DSCC1: variants seen among roughly 807,000 people sequenced by gnomAD.
DSCC1 encodes DNA replication and sister chromatid cohesion 1.
A neutral mutation model predicts 48.2 loss-of-function variants in DSCC1; 32 were observed. The observed-to-expected ratio is 0.66, with a 90% CI of 0.50 to 0.89. The LOEUF is 0.89. Among genes scored for constraint, DSCC1 ranks in the 40% least tolerant of loss-of-function variants. The pLI is 0.00. For synonymous variants in DSCC1, 150 were observed against 171.5 expected (o/e 0.87, Z 0.98); for missense variants, 421 against 471.7 (o/e 0.89, Z 1.00).
At chr8:119,836,907 A>G (rs1225582201) in intron 8 of DSCC1, among the ~76,000 whole-genome samples, 3 of 152,132 alleles carry the variant, frequency 2.0e-5, no homozygotes, top group Non-Finnish European at 4.4e-5. Context: ...TCATCCAAGG[A>G]AGAGGGGAGA....
At chr8:119,855,581 A>C (rs1276380056) in intron 1 of DSCC1, 33 bp downstream of exon 1, 2 of 1,523,880 alleles carry the variant, frequency 1.3e-6, no homozygotes, top group South Asian at 2.4e-5. Flanking sequence ...GTGGCCGGCC[A>C]GAGGCTGGGG....
Position 119,850,500 on chromosome 8 carries a change from T to C in DSCC1, c.368A>G (p.Asn123Ser). Residue 123 changes from asparagine to serine, a missense_variant, in exon 3 of 9, where the codon AAT becomes AGT. Physicochemically the swap from Asn to Ser is conservative, Grantham distance 46. Coordinates refer to ENST00000313655, the MANE Select transcript of DSCC1 (RefSeq NM_024094.3). ...ACGTCTTCTTAATTCCCAATAATTA[T>C]TAGAAAAACCAAAGATCTAGAAATT... ...IIHTEIFGFS[N>S]NYWELRRRRP... 8 of 1,571,382 alleles carry C rather than the reference T, an allele frequency of 5.1e-6. No homozygotes were observed. Among genetic ancestry groups the C allele is most frequent in the Non-Finnish European group, 6.9e-6 (8 of 1,166,468 alleles).
At chr8:119,845,284 C>T (rs1049304855) in intron 4 of DSCC1, among the ~76,000 whole-genome samples, 8 of 151,908 alleles carry the variant, frequency 5.3e-5, no homozygotes, top group Admixed American at 2.0e-4. Context: ...CAGGGTTTCA[C>T]CATGTTGGCC....
At chr8:119,842,890 C>T in intron 5 of DSCC1, 62 bp from the exon 6 acceptor site, 1 of 1,349,674 alleles carries the variant, frequency 7.4e-7, no homozygotes, top group East Asian at 2.5e-5. Context: ...ATATTTTAAC[C>T]CCATTGCCAA....
rs201899677 is a variant in DSCC1, at chr8:119,841,879, G to C, written c.839C>G (p.Ala280Gly). The part of the protein sequence containing the change: ...RAAARMLLQN[A>G]VKFNLAEFQE... The stretch of plus-strand genomic sequence containing the variant: ...AAACTCAGCGAGATTGAATTTCACC[G>C]CATTCTGAAGTAGCATTCGTGCTGC... Residue 280 changes from alanine to glycine, a missense_variant, in exon 7 of 9, where the codon GCG becomes GGG. Physicochemically the swap from Ala to Gly is moderately conservative, Grantham distance 60 (BLOSUM62 0). Coordinates refer to ENST00000313655, the MANE Select transcript of DSCC1 (RefSeq NM_024094.3). 1.2e-6 allele frequency: 2 copies of C among 1,613,998 alleles called. No homozygotes were observed. Among genetic ancestry groups the C allele is most frequent in the Middle Eastern group, 1.6e-4 (1 of 6,062 alleles).
chr8:119,836,468 G>T (rs1030204348), intron 8 of DSCC1, among the ~76,000 whole-genome samples: 1 of 152,018 alleles, frequency 6.6e-6, no homozygotes, highest in Non-Finnish European at 1.5e-5. Context: ...TTCAGAGGCA[G>T]GTACAAGATG....
intron 1 of DSCC1, among the ~76,000 whole-genome samples, chr8:119,854,105 T>C (rs1488192534): frequency 6.6e-6 from 1 of 152,064 alleles, no homozygotes; most frequent in Admixed American, 6.6e-5. Flanking sequence ...TCTCAGCTAC[T>C]CAGGAGGCTG....
intron 7 of DSCC1, 145 bp downstream of exon 7, chr8:119,841,649 G>A (rs1343657766): frequency 3.0e-6 from 2 of 665,520 alleles, no homozygotes; most frequent in Admixed American, 3.1e-5. Flanking sequence ...GGGTTTTAAG[G>A]ACTATGTGAT....
intron 7 of DSCC1, among the ~76,000 whole-genome samples, chr8:119,841,551 T>C (rs1012314653): frequency 1.5e-4 from 23 of 152,172 alleles, no homozygotes; most frequent in African/African-American, 5.3e-4. Context: ...TAAAACTGTA[T>C]TGTAGTGAGA....
intron 7 of DSCC1, chr8:119,839,875 A>T (rs777047979): frequency 3.3e-5 from 5 of 152,214 alleles, no homozygotes; most frequent in Admixed American, 6.5e-5. Context: ...TCAGCAGCTA[A>T]AACGTCTATT....
chr8:119,838,246 A>T lies in DSCC1; in HGVS notation c.1073+13T>A, dbSNP rs753659415. ...GAACGACCCTCAAAATCCGTCTTTAATAAATTACTTACTGAATATATGGAG... is the reference window on the plus strand; with the variant it reads ...GAACGACCCTCAAAATCCGTCTTTATTAAATTACTTACTGAATATATGGAG... On this transcript the variant is annotated intron_variant, in intron 8 of 8. Transcript: ENST00000313655. 1 of 1,542,092 alleles carries T rather than the reference A, an allele frequency of 6.5e-7. No individual in the cohort carries two copies. The highest frequency in any genetic ancestry group is 2.2e-5 in the Admixed American group (1 of 44,700).
intron 3 of DSCC1, among the ~76,000 whole-genome samples, chr8:119,848,448 AG>A (rs756150726): frequency 2.0e-5 from 3 of 152,352 alleles, no homozygotes; most frequent in Non-Finnish European, 4.4e-5. Flanking sequence ...ATTAAAAATC[AG>A]GCAAAGAAAC....
At chr8:119,849,294 T>G (rs1826911028) in intron 3 of DSCC1, among the ~76,000 whole-genome samples, 1 of 150,608 alleles carries the variant, frequency 6.6e-6, no homozygotes, top group Non-Finnish European at 1.5e-5. Flanking sequence ...TAATCCCAGC[T>G]ATTCGGGAGG....
intron 1 of DSCC1, among the ~76,000 whole-genome samples, 155 bp from the exon 2 acceptor site, chr8:119,853,370 G>T (rs1334048748): frequency 6.6e-6 from 1 of 152,058 alleles, no homozygotes; most frequent in Non-Finnish European, 1.5e-5. Flanking sequence ...ATTCCACACA[G>T]CAAGCATTGG....
intron 4 of DSCC1, among the ~76,000 whole-genome samples, chr8:119,844,577 GCTTT>G (rs1038006254): frequency 2.0e-5 from 3 of 150,512 alleles, no homozygotes; most frequent in African/African-American, 4.9e-5. Flanking sequence ...TTTCTCAAGT[GCTTT>G]CTTTTTTTTT....
Position 119,835,021 on chromosome 8 carries a change from T to C in DSCC1, c.1074-20A>G. The C allele has an allele frequency of 6.9e-7, 1 of 1,455,014 alleles. No homozygotes were observed. Among genetic ancestry groups the C allele is most frequent in the Non-Finnish European group, 9.5e-7 (1 of 1,049,420 alleles). 90.1% of individuals were successfully genotyped at this position (1,455,014 alleles called of 1,614,324 possible). On this transcript the variant is annotated intron_variant, in intron 8 of 8. Transcript: ENST00000313655. ...AAATCTCTGTAGGAACAATAAAAAA[T>C]ATATAACATGAATATTTTAGGGAAC... is the stretch of plus-strand genomic sequence containing the variant.
chr8:119,841,848 T>G lies in DSCC1; in HGVS notation c.870A>C (p.Glu290Asp), dbSNP rs144983913. Residue 290 changes from glutamate (E) to aspartate (D), a missense_variant, in exon 7 of 9, where the codon GAA becomes GAC. By Grantham distance (45) the Glu-to-Asp change is conservative. This residue lies in a region of DSCC1 where 238 missense variants were observed against 259.0 expected (regional missense o/e 0.92). Transcript: ENST00000313655. ...AVKFNLAEFQEVWQQSVPEGM... is the reference protein window; with the variant it reads ...AVKFNLAEFQDVWQQSVPEGM... ...CTTCAGGAACACTCTGCTGCCACACTTCTTGAAACTCAGCGAGATTGAATT... is the reference window on the plus strand; with the variant it reads ...CTTCAGGAACACTCTGCTGCCACACGTCTTGAAACTCAGCGAGATTGAATT... 3.7e-5 allele frequency: 60 copies of G among 1,614,040 alleles called. No homozygotes were observed. The African/African-American group carries it at 6.9e-4, about 19-fold the overall frequency.
chr8:119,847,179 CA>C (rs1301250678), intron 3 of DSCC1, 99 bp from the exon 4 acceptor site: 1 of 952,104 alleles, frequency 1.1e-6, no homozygotes, highest in Non-Finnish European at 1.6e-6. Context: ...CAGATTAAGG[CA>C]ATATTTATGC....
chr8:119,853,083 C>T lies in DSCC1; in HGVS notation c.315G>A (p.Lys105=), dbSNP rs1826964184. The T allele has an allele frequency of 1.2e-6, 2 of 1,613,786 alleles. No individual in the cohort carries two copies. Among genetic ancestry groups the T allele is most frequent in the Non-Finnish European group, 1.7e-6 (2 of 1,179,884 alleles). ...TAATGTTACAGTGTGAATCTTCCTT[C>T]TTCAACTGGTCCGGAGTTTTACAAC... ...IPGCKTPDQL[K]KEDSHCNIIH... The change falls in exon 2 of 9, where the codon AAG becomes AAA. Residue 105 remains lysine (K), a synonymous_variant. Coordinates refer to ENST00000313655, the MANE Select transcript of DSCC1 (RefSeq NM_024094.3).
Sources: allele counts gnomAD v4.1 joint callset (sites outside exome capture counted in the v4.1 genomes callset), GRCh38; gene constraint gnomAD v4.1.1; regional missense constraint gnomAD v4.1.1; transcripts MANE v1.5; gene names NCBI Gene and HGNC (gene_info 2026-07-23, HGNC 2026-07-21).